CCDC88A: variants seen among roughly 807,000 people sequenced by gnomAD.
CCDC88A encodes the protein coiled-coil and HOOK domain protein 88A.
CCDC88A carries 54 observed loss-of-function variants against 234.3 expected under a neutral mutation model. That is an observed-to-expected ratio of 0.23 (90% CI 0.19 to 0.29). The LOEUF is 0.29. Ranked by LOEUF, CCDC88A falls within the 10% of genes least tolerant of loss-of-function variation. The probability of loss-of-function intolerance (pLI) is 1.00; values close to 1 mark genes in which losing one functional copy is unlikely to be tolerated. For synonymous variants in CCDC88A, 753 were observed against 737.8 expected (o/e 1.02, Z -0.33); for missense variants, 1,832 against 2,123.4 (o/e 0.86, Z 2.70).
intron 8 of CCDC88A, among the ~76,000 whole-genome samples, chr2:55,352,971 T>C (rs1670094670): frequency 6.6e-6 from 1 of 152,216 alleles, no homozygotes; most frequent in South Asian, 2.1e-4. Context: ...GATTTACTTC[T>C]TTTTAATAAT....
rs530449044 is a variant in CCDC88A at position 55,352,649 on chromosome 2, C to T, written c.800+2930G>A. Among the ~76,000 whole-genome samples the T allele has an allele frequency of 8.0e-4, 122 of 152,108 alleles. 3 individuals carry two copies. In the South Asian group the frequency reaches 0.025, roughly 31 times the overall value. ...TTTCAAAACATGGGATTTATGGAGG[C>T]AGAGTTAAAGGGAGTCTTTGGTAGT... On this transcript the variant is annotated intron_variant, in intron 8 of 32. Transcript: ENST00000436346.
intron 5 of CCDC88A, among the ~76,000 whole-genome samples, chr2:55,371,602 C>T (rs1672856693): frequency 6.6e-6 from 1 of 152,132 alleles, no homozygotes; most frequent in Admixed American, 6.6e-5. Context: ...AGTAATCATC[C>T]TGGTTTGCCT....
At chr2:55,380,511 A>C (rs1674416499) in intron 3 of CCDC88A, among the ~76,000 whole-genome samples, 1 of 152,206 alleles carries the variant, frequency 6.6e-6, no homozygotes, top group Non-Finnish European at 1.5e-5. Flanking sequence ...GAAAATAATA[A>C]GCAGATGTTC....
Position 55,328,243 on chromosome 2 carries a change from A to T in CCDC88A, c.2997+51T>A. ...TTCTACTTTATATTTTTCTGTCCAAATATTTATATAATAAATGATCCTTAA... is the reference window on the plus strand; with the variant it reads ...TTCTACTTTATATTTTTCTGTCCAATTATTTATATAATAAATGATCCTTAA... On this transcript the variant is annotated intron_variant, in intron 17 of 32. Coordinates refer to ENST00000436346, the MANE Select transcript of CCDC88A (RefSeq NM_001365480.1). The surrounding 1 kb of genome is among the most constrained non-coding windows in gnomAD (Gnocchi z 4.3). 1 of 1,301,532 alleles carries T rather than the reference A, an allele frequency of 7.7e-7. No homozygotes were observed. The highest frequency in any genetic ancestry group is 2.6e-5 in the East Asian group (1 of 38,620). 80.6% of individuals were successfully genotyped at this position (1,301,532 alleles called of 1,614,324 possible).
Position 55,301,520 on chromosome 2 carries a change from A to G in CCDC88A, c.4673-243T>C, listed in dbSNP as rs1031860691. ...AAACAATCTCCCCTCTGACCCTGCA[A>G]AGCAAAACAAGAGCCTGGGTTGTTC... On this transcript the variant is annotated intron_variant, in intron 27 of 32. Coordinates refer to ENST00000436346, the MANE Select transcript of CCDC88A (RefSeq NM_001365480.1). 3.4e-5 allele frequency: 17 copies of G among 501,832 alleles called. No homozygotes were observed. In the Admixed American group the frequency reaches 6.1e-4, roughly 18 times the overall value. The allele number at this position is 501,832 out of a possible 1,614,324, so 31.1% of individuals were successfully genotyped here.
intron 3 of CCDC88A, among the ~76,000 whole-genome samples, chr2:55,385,493 T>C (rs972143889): frequency 6.6e-6 from 1 of 152,126 alleles, no homozygotes; most frequent in East Asian, 1.9e-4. Context: ...TCAATAAAAA[T>C]ATTTGAAAGA....
chr2:55,376,997 A>AT (rs1183836603), intron 3 of CCDC88A, among the ~76,000 whole-genome samples: 4 of 151,382 alleles, frequency 2.6e-5, no homozygotes, highest in East Asian at 2.0e-4. Flanking sequence ...TGCCTGGCTA[A>AT]TTTTTTTTGT....
At chr2:55,385,634 T>C (rs1294097794) in intron 3 of CCDC88A, among the ~76,000 whole-genome samples, 1 of 150,116 alleles carries the variant, frequency 6.7e-6, no homozygotes, top group Non-Finnish European at 1.5e-5. Context: ...GCGTGGATCA[T>C]CTGAGGTCAG....
chr2:55,377,882 A>C (rs910976322), intron 3 of CCDC88A, among the ~76,000 whole-genome samples: 3 of 152,324 alleles, frequency 2.0e-5, no homozygotes, highest in Non-Finnish European at 4.4e-5. Flanking sequence ...CTGAGATTAC[A>C]GGTGTGAGCC....
At chr2:55,306,466 TG>T (rs1279727265) in intron 25 of CCDC88A, among the ~76,000 whole-genome samples, 1 of 152,162 alleles carries the variant, frequency 6.6e-6, no homozygotes, top group African/African-American at 2.4e-5. Flanking sequence ...CATATATGTG[TG>T]TATATGTACA....
chr2:55,381,172 T>C (rs1194481497), intron 3 of CCDC88A, among the ~76,000 whole-genome samples: 1 of 152,092 alleles, frequency 6.6e-6, no homozygotes, highest in Non-Finnish European at 1.5e-5. Flanking sequence ...CCATATACCG[T>C]AGGTGTGTAG....
chr2:55,369,768 C>T (rs1488831177), intron 5 of CCDC88A, among the ~76,000 whole-genome samples: 1 of 152,086 alleles, frequency 6.6e-6, no homozygotes, highest in Non-Finnish European at 1.5e-5. Context: ...AACATCTTTG[C>T]TCTCATTTCA....
At position 55,379,327 on chromosome 2, in the gene CCDC88A, C is replaced by T. The variant is rs555892624; in HGVS notation, c.274-4444G>A. Among the ~76,000 whole-genome samples, 5 of 152,150 alleles carry T rather than the reference C, an allele frequency of 3.3e-5. No homozygotes were observed. The South Asian group carries it at 1.0e-3, about 32-fold the overall frequency. The stretch of plus-strand genomic sequence containing the variant: ...AACAAACAGGTCAAAGTTGATAATG[C>T]ATGTATATAAACTAATGAAGATACT... On this transcript the variant is annotated intron_variant, in intron 3 of 32. Transcript: ENST00000436346.
At chr2:55,418,444 A>G in intron 2 of CCDC88A, 1 of 203,142 alleles carries the variant, frequency 4.9e-6, no homozygotes, top group East Asian at 1.2e-4. Context: ...ACATTTCTGC[A>G]TCAAATGCAC....
Position 55,332,819 on chromosome 2 carries a change from A to G in CCDC88A, c.2728-126T>C, listed in dbSNP as rs2104683809. The G allele has an allele frequency of 1.3e-6, 1 of 794,044 alleles. No individual in the cohort carries two copies. Among genetic ancestry groups the G allele is most frequent in the Middle Eastern group, 3.0e-4 (1 of 3,334 alleles). 49.2% of individuals were successfully genotyped at this position (794,044 alleles called of 1,614,324 possible). On this transcript the variant is annotated intron_variant, in intron 15 of 32. Coordinates refer to ENST00000436346, the MANE Select transcript of CCDC88A (RefSeq NM_001365480.1). The surrounding 1 kb of genome is among the most constrained non-coding windows in gnomAD (Gnocchi z 4.5). ...AATTTGAACCAGGAAATGTCATTAA[A>G]CCATTCCTTCATTATTAAAATGTAG...
intron 2 of CCDC88A, among the ~76,000 whole-genome samples, chr2:55,414,358 T>C (rs1680994980): frequency 6.6e-6 from 1 of 152,236 alleles, no homozygotes; most frequent in Admixed American, 6.5e-5. Context: ...TAATTATTTC[T>C]ACTTCACTGT....
At chr2:55,346,413 A>T in intron 9 of CCDC88A, 80 bp from the exon 10 acceptor site, 6 of 620,564 alleles carry the variant, frequency 9.7e-6, no homozygotes, top group Non-Finnish European at 1.5e-5. Flanking sequence ...TTGAAATTTT[A>T]TTTATTTATT....
chr2:55,363,881 T>G lies in CCDC88A; in HGVS notation c.486+69A>C. On this transcript the variant is annotated intron_variant, in intron 6 of 32. Transcript: ENST00000436346. The stretch of plus-strand genomic sequence containing the variant: ...CTTATTCTATGACTTTGAAGTATTT[T>G]AGGAGATAGACAAATAAACACACCA... The G allele has an allele frequency of 6.5e-6, 5 of 773,272 alleles. No individual in the cohort carries two copies. The South Asian group carries it at 7.2e-5, about 11-fold the overall frequency. The allele number at this position is 773,272 out of a possible 1,614,324, so 47.9% of individuals were successfully genotyped here.
chr2:55,384,725 C>G (rs1675312160), intron 3 of CCDC88A, among the ~76,000 whole-genome samples: 1 of 150,176 alleles, frequency 6.7e-6, no homozygotes, highest in South Asian at 2.1e-4. Context: ...GGTGTGATCT[C>G]CGCTTACTGT....
Sources: allele counts gnomAD v4.1 joint callset (sites outside exome capture counted in the v4.1 genomes callset), GRCh38; gene constraint gnomAD v4.1.1; non-coding constraint Gnocchi (gnomAD v3.1); transcripts MANE v1.5; gene names NCBI Gene and HGNC (gene_info 2026-07-23, HGNC 2026-07-21).